NEK1: variants seen among roughly 807,000 people sequenced by gnomAD.
NEK1 encodes serine/threonine-protein kinase Nek1.
Under a neutral mutation model 182.1 loss-of-function variants are expected in NEK1, and 137 were observed. The ratio of observed to expected loss-of-function variants is 0.75; its 90% CI spans 0.65 to 0.87. The LOEUF (loss-of-function observed/expected upper bound fraction) is 0.87. NEK1 is among the 40% of genes least tolerant of loss of function. The probability of loss-of-function intolerance (pLI) is 0.00; values close to 1 mark genes in which losing one functional copy is unlikely to be tolerated. For missense variants in NEK1, 1,391 were observed against 1,494.4 expected, an observed-to-expected ratio of 0.93 and a Z score of 1.14; for synonymous variants, 513 against 492.2, an observed-to-expected ratio of 1.04 and a Z score of -0.56.
chr4:169,489,624 A>C (rs1019680476), intron 23 of NEK1, among the ~76,000 whole-genome samples: 3 of 152,046 alleles, frequency 2.0e-5, no homozygotes, highest in Non-Finnish European at 4.4e-5. Flanking sequence ...GTCCATTGCT[A>C]TGTCCTGCCA....
chr4:169,573,096 C>T (rs1250553629), intron 12 of NEK1, among the ~76,000 whole-genome samples: 3 of 152,130 alleles, frequency 2.0e-5, no homozygotes, highest in Non-Finnish European at 2.9e-5. Context: ...CAGGAGAGAG[C>T]GCAAAGTCCT....
At chr4:169,486,201 T>C (rs144125939) in intron 23 of NEK1, among the ~76,000 whole-genome samples, 20 of 152,360 alleles carry the variant, frequency 1.3e-4, no homozygotes, top group African/African-American at 4.8e-4. Context: ...CTTAGCCATT[T>C]TTCTCACAAG....
At chr4:169,543,575 G>A (rs1759835396) in intron 18 of NEK1, among the ~76,000 whole-genome samples, 1 of 152,166 alleles carries the variant, frequency 6.6e-6, no homozygotes, top group East Asian at 1.9e-4. Flanking sequence ...ATTACTTTGG[G>A]CAGTATAGTC....
At chr4:169,593,830 T>C (rs532308137) in intron 5 of NEK1, among the ~76,000 whole-genome samples, 3 of 152,026 alleles carry the variant, frequency 2.0e-5, no homozygotes, top group Non-Finnish European at 4.4e-5. Flanking sequence ...TTACTAAAAA[T>C]ACAAAAAAAT....
intron 2 of NEK1, among the ~76,000 whole-genome samples, chr4:169,605,667 G>A (rs1031606174): frequency 2.6e-5 from 4 of 152,052 alleles, no homozygotes; most frequent in African/African-American, 4.8e-5. Flanking sequence ...AGGAACATAC[G>A]AATCCTGTTT....
intron 18 of NEK1, among the ~76,000 whole-genome samples, chr4:169,541,431 C>T (rs912576453): frequency 6.6e-6 from 1 of 151,900 alleles, no homozygotes; most frequent in African/African-American, 2.4e-5. Flanking sequence ...TAAGAAATTG[C>T]ATATAAGCAA....
chr4:169,577,538 C>T (rs962390724), intron 11 of NEK1, among the ~76,000 whole-genome samples: 9 of 152,078 alleles, frequency 5.9e-5, no homozygotes, highest in Middle Eastern at 3.4e-3. Context: ...GAGGCCGAGG[C>T]GGGTGGATCA....
intron 27 of NEK1, among the ~76,000 whole-genome samples, chr4:169,461,238 A>G (rs528719022): frequency 1.3e-5 from 2 of 152,278 alleles, no homozygotes; most frequent in Non-Finnish European, 2.9e-5. Context: ...TGCATATACT[A>G]GAATAGCATA....
chr4:169,425,137 C>T (rs1181301531), intron 30 of NEK1, among the ~76,000 whole-genome samples: 2 of 148,852 alleles, frequency 1.3e-5, no homozygotes, highest in Non-Finnish European at 2.9e-5. Context: ...GAGTTTGAAA[C>T]CAGCCTGAGC....
intron 12 of NEK1, among the ~76,000 whole-genome samples, chr4:169,569,936 T>C (rs1332211389): frequency 6.2e-4 from 93 of 150,814 alleles, no homozygotes; most frequent in African/African-American, 2.2e-3. Flanking sequence ...GTGAGGAGCG[T>C]CTCTGCCTGG....
intron 18 of NEK1, among the ~76,000 whole-genome samples, chr4:169,544,624 T>G (rs1376816311): frequency 2.6e-5 from 2 of 76,138 alleles, no homozygotes; most frequent in South Asian, 4.8e-4. Context: ...TTTTTTTTTT[T>G]GCTTGGTAGG....
chr4:169,458,984 C>T (rs1363171105), intron 27 of NEK1, among the ~76,000 whole-genome samples: 2 of 151,838 alleles, frequency 1.3e-5, no homozygotes, highest in Non-Finnish European at 2.9e-5. Flanking sequence ...TGGAGCATTT[C>T]AGATTTTGGA....
chr4:169,463,455 A>G, intron 26 of NEK1, 60 bp from the exon 27 acceptor site: 1 of 1,294,016 alleles, frequency 7.7e-7, no homozygotes. Flanking sequence ...ACTGCATGGT[A>G]AGGCAGATTT....
chr4:169,472,611 G>A (rs146740752), intron 26 of NEK1, among the ~76,000 whole-genome samples: 22 of 152,242 alleles, frequency 1.4e-4, no homozygotes, highest in African/African-American at 4.1e-4. Context: ...CAACTTACTT[G>A]TATCTTTCTA....
At chr4:169,496,611 G>A (rs1353180252) in intron 23 of NEK1, among the ~76,000 whole-genome samples, 4 of 148,740 alleles carry the variant, frequency 2.7e-5, no homozygotes, top group African/African-American at 7.8e-5. Flanking sequence ...TTTTTAGCAT[G>A]AAGGGCTGTT....
chr4:169,409,058 A>C (rs1733156241), intron 31 of NEK1, among the ~76,000 whole-genome samples: 1 of 152,182 alleles, frequency 6.6e-6, no homozygotes, highest in African/African-American at 2.4e-5. Flanking sequence ...ACTGTGTTCC[A>C]TAGTGGTTGT....
At chr4:169,490,682 G>GTTAAAAACTGAGAGC in intron 23 of NEK1, among the ~76,000 whole-genome samples, 1 of 151,994 alleles carries the variant, frequency 6.6e-6, no homozygotes, top group Non-Finnish European at 1.5e-5. Flanking sequence ...GAATGAAATT[G>GTTAAAAACTGAGAGC]TTAAAAACTG....
intron 23 of NEK1, among the ~76,000 whole-genome samples, chr4:169,499,089 A>T (rs967394447): frequency 6.6e-6 from 1 of 152,154 alleles, no homozygotes; most frequent in African/African-American, 2.4e-5. Flanking sequence ...TAATTCTTGG[A>T]GGCTTTGTTT....
rs74830636 is a variant in NEK1 at position 169,404,782 on chromosome 4, A to T, written c.3374+1814T>A. On this transcript the variant is annotated intron_variant, in intron 32 of 35. Coordinates refer to ENST00000507142, the MANE Select transcript of NEK1 (RefSeq NM_001199397.3). ...TCTTTTTGTTTTTTTATGGAAAAAA[A>T]TTTTTTTTTTAATTTTACTTTAAGT... Among the ~76,000 whole-genome samples the T allele has an allele frequency of 4.5e-3, 683 of 150,764 alleles. 1 individual carries two copies. Among genetic ancestry groups the T allele is most frequent in the African/African-American group, 0.011 (465 of 41,102 alleles).
Sources: gnomAD v4.1 joint callset for allele counts (sites outside exome capture counted in the v4.1 genomes callset) on GRCh38, gnomAD v4.1.1 for gene constraint, MANE v1.5 for transcripts, NCBI Gene and HGNC (gene_info 2026-07-23, HGNC 2026-07-21) for gene names.